Variants in CFAP47 observed in about 807,000 individuals in gnomAD.
CFAP47 encodes the protein cilia and flagella associated protein 47, also known as cilia- and flagella-associated protein 47.
A neutral mutation model predicts 148.1 loss-of-function variants in CFAP47; 29 were observed. The observed-to-expected ratio is 0.20, with a 90% CI of 0.15 to 0.27. The LOEUF (loss-of-function observed/expected upper bound fraction) is 0.27. Among genes scored for constraint, CFAP47 ranks in the 10% least tolerant of loss-of-function variants. The pLI, the probability that CFAP47 is intolerant of heterozygous loss-of-function variation, is 1.00. For missense variants in CFAP47, 1,872 were observed against 1,697.5 expected, an observed-to-expected ratio of 1.10 and a Z score of -1.81; for synonymous variants, 664 against 577.3, an observed-to-expected ratio of 1.15 and a Z score of -2.15.
intron 51 of CFAP47, among the ~76,000 whole-genome samples, chrX:36,291,422 A>G (rs1479050593): frequency 2.7e-5 from 3 of 109,688 alleles, no homozygotes; most frequent in Non-Finnish European, 3.8e-5. Flanking sequence ...TCAGGAGTAT[A>G]TTAATTAGTT....
chrX:36,383,573 G>A (rs782739805), intron 63 of CFAP47, among the ~76,000 whole-genome samples: 35 of 111,171 alleles, frequency 3.1e-4, no homozygotes, highest in African/African-American at 7.9e-4. Context: ...TTACCCAGTC[G>A]TATTATGCTC....
At chrX:36,135,052 C>T (rs1034535972) in intron 33 of CFAP47, among the ~76,000 whole-genome samples, 1 of 111,007 alleles carries the variant, frequency 9.0e-6, no homozygotes, top group Non-Finnish European at 1.9e-5. Context: ...TACCAAGCAT[C>T]GTATGTTTTC....
intron 22 of CFAP47, chrX:36,021,874 A>G (rs1937163552): frequency 1.8e-5 from 2 of 111,412 alleles, no homozygotes; most frequent in African/African-American, 3.3e-5. Context: ...ATAGTATTCC[A>G]TGGTGTATAT....
At chrX:36,225,170 G>A (rs1940256332) in intron 45 of CFAP47, among the ~76,000 whole-genome samples, 1 of 111,489 alleles carries the variant, frequency 9.0e-6, no homozygotes, top group African/African-American at 3.3e-5. Flanking sequence ...GGGATGGAAG[G>A]GACAGATCCA....
intron 42 of CFAP47, among the ~76,000 whole-genome samples, chrX:36,191,075 TAC>T (rs1358878258): frequency 8.9e-6 from 1 of 111,989 alleles, no homozygotes; most frequent in Non-Finnish European, 1.9e-5. Context: ...AGTTTAATTT[TAC>T]ACTTAAAATT....
At chrX:36,219,209 G>C (rs1940189348) in intron 45 of CFAP47, among the ~76,000 whole-genome samples, 1 of 111,699 alleles carries the variant, frequency 9.0e-6, no homozygotes, top group Non-Finnish European at 1.9e-5. Context: ...ACATGTATTT[G>C]GGGGTAAAAT....
chrX:36,164,888 T>G (rs1939471575), intron 39 of CFAP47, among the ~76,000 whole-genome samples: 1 of 111,909 alleles, frequency 8.9e-6, no homozygotes, highest in African/African-American at 3.2e-5. Flanking sequence ...ATAGTGGATG[T>G]CTATAACTTA....
chrX:36,183,141 C>G (rs868718620), intron 40 of CFAP47, among the ~76,000 whole-genome samples: 30 of 111,665 alleles, frequency 2.7e-4, no homozygotes, highest in African/African-American at 9.8e-4. Flanking sequence ...GAAACCCTGT[C>G]TCTACTAAAA....
chrX:36,267,979 T>C lies in CFAP47; in HGVS notation c.7445-12508T>C, dbSNP rs1453911559. ...ATTACCCTAGAGGGTTTGTGAGTAC[T>C]AGACTTTTTCTTTCTGACTCTTGAT... On this transcript the variant is annotated intron_variant, in intron 49 of 63. Transcript: ENST00000378653. Among the ~76,000 whole-genome samples the C allele has an allele frequency of 3.1e-4, 35 of 113,191 alleles. No individual in the cohort carries two copies. In the Admixed American group the frequency reaches 3.2e-3, roughly 10 times the overall value.
intron 48 of CFAP47, among the ~76,000 whole-genome samples, chrX:36,245,787 C>CA (rs1940608231): frequency 9.0e-6 from 1 of 111,251 alleles, no homozygotes; most frequent in African/African-American, 3.3e-5. Flanking sequence ...ATCTGATCTT[C>CA]AAAAAACCCT....
chrX:36,233,687 T>C (rs2146906526), intron 46 of CFAP47, among the ~76,000 whole-genome samples: 1 of 111,750 alleles, frequency 8.9e-6, no homozygotes, highest in Non-Finnish European at 1.9e-5. Context: ...TGCTGGTTAG[T>C]TGATGCAGTT....
chrX:35,937,920 C>A (rs888742550), intron 2 of CFAP47, among the ~76,000 whole-genome samples: 4 of 111,666 alleles, frequency 3.6e-5, no homozygotes, highest in African/African-American at 1.3e-4. Flanking sequence ...CGTACATCAA[C>A]CTGGACTTCC....
chrX:36,154,932 T>G (rs1939349864), intron 37 of CFAP47, among the ~76,000 whole-genome samples: 2 of 110,677 alleles, frequency 1.8e-5, no homozygotes, highest in South Asian at 7.7e-4. Context: ...ATTTGCCATC[T>G]TAGTCCATTC....
At chrX:36,118,293 T>A (rs1487440319) in intron 33 of CFAP47, among the ~76,000 whole-genome samples, 2 of 111,235 alleles carry the variant, frequency 1.8e-5, no homozygotes, top group Non-Finnish European at 3.8e-5. Flanking sequence ...CTTGGTATTT[T>A]CATAGGGGTT....
intron 22 of CFAP47, among the ~76,000 whole-genome samples, chrX:36,016,592 C>T (rs1007208635): frequency 9.1e-6 from 1 of 110,133 alleles, no homozygotes; most frequent in Non-Finnish European, 1.9e-5. Context: ...ATTTGGCTAT[C>T]GTGAACAGTG....
chrX:36,056,488 G>T (rs1443749159), intron 26 of CFAP47, among the ~76,000 whole-genome samples: 1 of 112,101 alleles, frequency 8.9e-6, no homozygotes, highest in East Asian at 2.8e-4. Flanking sequence ...CTCAAATGGT[G>T]TACTGACCAG....
intron 57 of CFAP47, among the ~76,000 whole-genome samples, chrX:36,344,022 T>C (rs1444595243): frequency 2.8e-5 from 3 of 106,050 alleles, no homozygotes; most frequent in Non-Finnish European, 5.8e-5. Flanking sequence ...CAGTCTATCA[T>C]TGTTGGACAT....
intron 27 of CFAP47, 119 bp from the exon 28 acceptor site, chrX:36,071,706 A>G: frequency 1.8e-6 from 1 of 556,199 alleles, no homozygotes; most frequent in Non-Finnish European, 2.7e-6. Flanking sequence ...TCATAGATAG[A>G]TGGATACATA....
chrX:36,097,705 T>A (rs1938302340), intron 30 of CFAP47, among the ~76,000 whole-genome samples: 1 of 111,233 alleles, frequency 9.0e-6, no homozygotes, highest in Non-Finnish European at 1.9e-5. Flanking sequence ...TTTGGGAGAC[T>A]GGTTATTTAA....
Sources: gnomAD v4.1 joint callset for allele counts (sites outside exome capture counted in the v4.1 genomes callset) on GRCh38, gnomAD v4.1.1 for gene constraint, MANE v1.5 for transcripts, NCBI Gene and HGNC (gene_info 2026-07-23, HGNC 2026-07-21) for gene names.